Variants in MEI1 observed in about 807,000 individuals in gnomAD.
MEI1 encodes meiotic double-stranded break formation protein 1.
MEI1 carries 103 observed loss-of-function variants against 146.2 expected under a neutral mutation model. That is an observed-to-expected ratio of 0.70 (90% CI 0.60 to 0.83). The LOEUF is 0.83. Among genes scored for constraint, MEI1 ranks in the 40% least tolerant of loss-of-function variants. MEI1 has a pLI of 0.00. For synonymous variants in MEI1, 652 were observed against 628.2 expected, an observed-to-expected ratio of 1.04 and a Z score of -0.57; for missense variants, 1,529 against 1,533.0, an observed-to-expected ratio of 1.00 and a Z score of 0.04.
In MEI1 at chr22:41,718,114, T is replaced by C; in HGVS notation, c.573T>C (p.Ser191=). ...TGTTGAGAGGCTTAGTATACCCCAG[T>C]GAGGGCATACAAGCTTCTGTCTGTT... The part of the protein sequence containing the change: ...EHLLRGLVYP[S]EGIQASVCYL... Residue 191 remains serine (S), a synonymous_variant, in exon 6 of 31, where the codon AGT becomes AGC. Coordinates refer to ENST00000401548, the MANE Select transcript of MEI1 (RefSeq NM_152513.4). The C allele has an allele frequency of 1.2e-6, 2 of 1,613,486 alleles. No homozygotes were observed. The highest frequency in any genetic ancestry group is 1.7e-6 in the Non-Finnish European group (2 of 1,179,866).
intron 18 of MEI1, chr22:41,759,248 C>T (rs2074297323): frequency 6.6e-6 from 1 of 152,144 alleles, no homozygotes; most frequent in African/African-American, 2.4e-5. Flanking sequence ...AATCCCAGCA[C>T]TTTGGGAGGC....
At chr22:41,719,331 C>T (rs905261141) in intron 6 of MEI1, among the ~76,000 whole-genome samples, 4 of 152,112 alleles carry the variant, frequency 2.6e-5, no homozygotes, top group African/African-American at 9.7e-5. Context: ...GCATTACAGG[C>T]ACCCACCATC....
intron 24 of MEI1, among the ~76,000 whole-genome samples, chr22:41,783,518 C>T (rs1162534914): frequency 6.6e-6 from 1 of 152,192 alleles, no homozygotes; most frequent in Non-Finnish European, 1.5e-5. Context: ...TCTTGAACTC[C>T]TCACCTCAGG....
chr22:41,740,615 G>A (rs1034389040), intron 11 of MEI1, among the ~76,000 whole-genome samples: 6 of 152,088 alleles, frequency 3.9e-5, no homozygotes, highest in South Asian at 4.1e-4. Flanking sequence ...CTGTAGTCCC[G>A]GCTACTCAAG....
chr22:41,704,484 G>C (rs2068936645), intron 2 of MEI1, among the ~76,000 whole-genome samples: 1 of 150,002 alleles, frequency 6.7e-6, no homozygotes, highest in South Asian at 2.1e-4. Flanking sequence ...CGTGATCTCA[G>C]CTCACTGCAA....
At chr22:41,776,047 A>G in intron 20 of MEI1, 55 bp from the exon 21 acceptor site, 1 of 1,570,986 alleles carries the variant, frequency 6.4e-7, no homozygotes, top group African/African-American at 1.4e-5. Context: ...CCTCATTGTC[A>G]CTTTTCCCCA....
intron 7 of MEI1, among the ~76,000 whole-genome samples, chr22:41,727,903 C>T (rs537800425): frequency 3.3e-5 from 5 of 152,144 alleles, no homozygotes; most frequent in Non-Finnish European, 5.9e-5. Flanking sequence ...GGGGACTGGC[C>T]GTTCACGTAG....
intron 17 of MEI1, among the ~76,000 whole-genome samples, chr22:41,754,786 AAG>A (rs1282991959): frequency 6.6e-6 from 1 of 152,210 alleles, no homozygotes; most frequent in Non-Finnish European, 1.5e-5. Flanking sequence ...GTGCTGGTGA[AAG>A]AGCCAGGGAT....
chr22:41,709,331 T>C, intron 3 of MEI1: 2 of 770,762 alleles, frequency 2.6e-6, no homozygotes, highest in Non-Finnish European at 4.6e-6. Flanking sequence ...CTTTTTCCCT[T>C]TGGGTACCTT....
chr22:41,708,627 G>A (rs2069288448), intron 3 of MEI1, among the ~76,000 whole-genome samples: 1 of 152,188 alleles, frequency 6.6e-6, no homozygotes, highest in East Asian at 1.9e-4. Context: ...AGTGAGGGTT[G>A]ACATTTCACA....
chr22:41,728,633 G>A (rs987101730), intron 7 of MEI1, among the ~76,000 whole-genome samples: 2 of 152,216 alleles, frequency 1.3e-5, no homozygotes, highest in African/African-American at 4.8e-5. Flanking sequence ...GGGAGGCCAA[G>A]GCAGGTGGAT....
intron 18 of MEI1, among the ~76,000 whole-genome samples, chr22:41,759,087 G>A (rs1180366048): frequency 6.6e-6 from 1 of 152,232 alleles, no homozygotes; most frequent in African/African-American, 2.4e-5. Flanking sequence ...AGGTTGCAGT[G>A]AGCCAAGATT....
chr22:41,751,009 C>T (rs1483600760), intron 15 of MEI1, among the ~76,000 whole-genome samples: 1 of 151,914 alleles, frequency 6.6e-6, no homozygotes, highest in Non-Finnish European at 1.5e-5. Flanking sequence ...TAGAAAAAGG[C>T]TGTGAGATCT....
At chr22:41,749,922 A>G (rs2073634154) in intron 15 of MEI1, among the ~76,000 whole-genome samples, 1 of 152,134 alleles carries the variant, frequency 6.6e-6, no homozygotes, top group Non-Finnish European at 1.5e-5. Flanking sequence ...GGGTATGGTC[A>G]GTTTGGGTCA....
chr22:41,770,992 A>C lies in MEI1; in HGVS notation c.2544+31A>C, dbSNP rs1198440771. On this transcript the variant is annotated intron_variant, in intron 20 of 30. Transcript: ENST00000401548. Reference sequence around the variant, plus strand: ...CAACCACTCATTCATTTCTACATTCAGAAATCGTGGGCCTTCTCTCTCTGA... The same window carrying C: ...CAACCACTCATTCATTTCTACATTCCGAAATCGTGGGCCTTCTCTCTCTGA... 5 of 1,601,718 alleles carry C rather than the reference A, an allele frequency of 3.1e-6. No individual in the cohort carries two copies. In the Admixed American group the frequency reaches 8.5e-5, roughly 27 times the overall value.
rs144389284 is a variant in MEI1, at chr22:41,783,705, G to T, written c.3088-634G>T. The stretch of plus-strand genomic sequence containing the variant: ...CCAGGATTTTATTTTATTTTTTAAA[G>T]AAATGGAATCTGTCGTCCAGGCTGG... On this transcript the variant is annotated intron_variant, in intron 24 of 30. Coordinates refer to ENST00000401548, the MANE Select transcript of MEI1 (RefSeq NM_152513.4). Among the ~76,000 whole-genome samples the T allele has an allele frequency of 4.1e-3, 622 of 152,170 alleles. 4 individuals are homozygous for T. Among genetic ancestry groups the T allele is most frequent in the Non-Finnish European group, 6.7e-3 (456 of 67,990 alleles).
Position 41,745,038 on chromosome 22 carries a change from T to A in MEI1, c.1512T>A (p.Thr504=), listed in dbSNP as rs1318293008. The change falls in exon 13 of 31, where the codon ACT becomes ACA. Residue 504 remains threonine (T), a synonymous_variant. Coordinates refer to ENST00000401548, the MANE Select transcript of MEI1 (RefSeq NM_152513.4). The part of the protein sequence containing the change: ...ILQRGKFLLS[T]LEGFRSACRL... ...AAAGGGGAAAGTTCCTCCTCAGCACTCTGGAGGGATTTAGAAGTGCCTGCA... is the reference window on the plus strand; with the variant it reads ...AAAGGGGAAAGTTCCTCCTCAGCACACTGGAGGGATTTAGAAGTGCCTGCA... 2 of 1,561,262 alleles carry A rather than the reference T, an allele frequency of 1.3e-6. No individual in the cohort carries two copies. Among genetic ancestry groups the A allele is most frequent in the South Asian group, 2.4e-5 (2 of 83,612 alleles).
At chr22:41,762,587 A>G (rs1470855828) in intron 18 of MEI1, among the ~76,000 whole-genome samples, 1 of 137,106 alleles carries the variant, frequency 7.3e-6, no homozygotes, top group Admixed American at 7.8e-5. Context: ...AGGTCTGACT[A>G]TGTTGCCTAG....
At chr22:41,774,131 CTG>C (rs2075325659) in intron 20 of MEI1, 1 of 152,108 alleles carries the variant, frequency 6.6e-6, no homozygotes, top group South Asian at 2.1e-4. Context: ...CACAGAAACT[CTG>C]TTTGTTTCCT....
Sources: allele counts gnomAD v4.1 joint callset (sites outside exome capture counted in the v4.1 genomes callset), GRCh38; gene constraint gnomAD v4.1.1; transcripts MANE v1.5; gene names NCBI Gene and HGNC (gene_info 2026-07-23, HGNC 2026-07-21).